The following KCNIP1 variants were observed in gnomAD, a reference collection of about 807,000 sequenced individuals.
The protein encoded by KCNIP1 is A-type potassium channel modulatory protein KCNIP1.
A neutral mutation model predicts 33.0 loss-of-function variants in KCNIP1; 18 were observed. That is an observed-to-expected ratio of 0.55 (90% confidence interval 0.38 to 0.81). KCNIP1 has a LOEUF of 0.81. Among genes scored for constraint, KCNIP1 ranks in the 30% least tolerant of loss-of-function variants. The pLI is 0.00. For synonymous variants in KCNIP1, 93 were observed against 98.3 expected, an observed-to-expected ratio of 0.95 and a Z score of 0.32; for missense variants, 238 against 271.6, an observed-to-expected ratio of 0.88 and a Z score of 0.87.
At chr5:170,435,011 G>T (rs1755828720) in intron 1 of KCNIP1, among the ~76,000 whole-genome samples, 1 of 152,218 alleles carries the variant, frequency 6.6e-6, no homozygotes, top group Admixed American at 6.5e-5. Flanking sequence ...TCAGTCAGCT[G>T]CCAGCCCACG....
At chr5:170,529,409 C>T (rs1434076163) in intron 1 of KCNIP1, among the ~76,000 whole-genome samples, 1 of 152,162 alleles carries the variant, frequency 6.6e-6, no homozygotes, top group African/African-American at 2.4e-5. Context: ...GTTCTGGGGA[C>T]GGAGGAGTGT....
At chr5:170,435,841 A>G (rs1187035675) in intron 1 of KCNIP1, among the ~76,000 whole-genome samples, 1 of 151,824 alleles carries the variant, frequency 6.6e-6, no homozygotes, top group Non-Finnish European at 1.5e-5. Flanking sequence ...GGTACCTGGA[A>G]TTTCTCTCCC....
rs138606323 is a variant in KCNIP1, at chr5:170,593,183, G to A, written c.61+88550G>A. 1.3e-3 allele frequency among the ~76,000 whole-genome samples: 197 copies of A among 152,286 alleles called. 1 individual carries two copies. The highest frequency in any genetic ancestry group is 0.01 in the Admixed American group (156 of 15,290). ...ATACTACATTTAAAAGAGCGTGTAC[G>A]CGAGAATAATGTGGTCAGGTGGCCT... On this transcript the variant is annotated intron_variant, in intron 1 of 7. Transcript: ENST00000328939.
chr5:170,437,999 T>C (rs750163529), intron 1 of KCNIP1, among the ~76,000 whole-genome samples: 3 of 152,092 alleles, frequency 2.0e-5, no homozygotes, highest in Non-Finnish European at 2.9e-5. Flanking sequence ...CAGAGCCCCC[T>C]GTTTGCTCCC....
intron 1 of KCNIP1, among the ~76,000 whole-genome samples, chr5:170,593,332 G>A (rs556334624): frequency 6.6e-6 from 1 of 152,234 alleles, no homozygotes; most frequent in Non-Finnish European, 1.5e-5. Flanking sequence ...ATCCCTCTCA[G>A]GGGGTCACCT....
intron 1 of KCNIP1, among the ~76,000 whole-genome samples, chr5:170,451,178 T>A (rs1756240295): frequency 6.6e-6 from 1 of 152,206 alleles, no homozygotes; most frequent in African/African-American, 2.4e-5. Context: ...TTCGTAGTCA[T>A]GTCTAAACGC....
chr5:170,419,579 C>T (rs1050817549), intron 1 of KCNIP1, among the ~76,000 whole-genome samples: 7 of 152,224 alleles, frequency 4.6e-5, no homozygotes. Flanking sequence ...GAGAAAGTCA[C>T]CATCTTCCAT....
chr5:170,469,913 TC>T lies in KCNIP1; in HGVS notation c.88+115950del, dbSNP rs1756686229. On this transcript the variant is annotated intron_variant, in intron 1 of 7. Transcript: ENST00000377360. ...CAATCCTCCATAAATAACAATTCTT[TC>T]AATAGAGCTTTTCTCTCTTTCTTAA... 2.0e-5 allele frequency among the ~76,000 whole-genome samples: 3 copies of T among 152,334 alleles called. No homozygotes were observed. In the South Asian group the frequency reaches 6.2e-4, roughly 32 times the overall value.
intron 1 of KCNIP1, among the ~76,000 whole-genome samples, chr5:170,608,591 G>T (rs1759023425): frequency 6.6e-6 from 1 of 152,044 alleles, no homozygotes; most frequent in Non-Finnish European, 1.5e-5. Flanking sequence ...GGCCAACATG[G>T]TAAAACCCCG....
chr5:170,460,694 T>C (rs925388463), intron 1 of KCNIP1, among the ~76,000 whole-genome samples: 2 of 152,118 alleles, frequency 1.3e-5, no homozygotes, highest in Non-Finnish European at 2.9e-5. Flanking sequence ...CATACCTCAG[T>C]GTAATAAAAG....
intron 1 of KCNIP1, among the ~76,000 whole-genome samples, chr5:170,525,723 C>A (rs957399606): frequency 6.6e-6 from 1 of 152,248 alleles, no homozygotes; most frequent in Non-Finnish European, 1.5e-5. Flanking sequence ...GTTCTGGAAT[C>A]TTCTCCTGGA....
chr5:170,448,998 C>T (rs1271622329), intron 1 of KCNIP1, among the ~76,000 whole-genome samples: 1 of 152,194 alleles, frequency 6.6e-6, no homozygotes, highest in Non-Finnish European at 1.5e-5. Flanking sequence ...ATGCTTAATT[C>T]AAGGAAGCGA....
chr5:170,693,570 T>C (rs980425886), intron 1 of KCNIP1, among the ~76,000 whole-genome samples: 1 of 152,154 alleles, frequency 6.6e-6, no homozygotes. Flanking sequence ...TCCCTGGGTA[T>C]AGGACCCAGC....
In KCNIP1 at chr5:170,385,443, A is replaced by G. The variant is rs752181295; in HGVS notation, c.88+31479A>G. 3.1e-6 allele frequency: 5 copies of G among 1,614,028 alleles called. No individual in the cohort carries two copies. In the South Asian group the frequency reaches 3.3e-5, roughly 11 times the overall value. Reference sequence around the variant, plus strand: ...CTTCTGGGCCATCACCAGCTTCTTCACCATATTCACTGGGGGCAGTGATCA... The same window carrying G: ...CTTCTGGGCCATCACCAGCTTCTTCGCCATATTCACTGGGGGCAGTGATCA... On this transcript the variant is annotated intron_variant, in intron 1 of 7. Transcript: ENST00000377360.
intron 1 of KCNIP1, among the ~76,000 whole-genome samples, chr5:170,464,253 C>G (rs1352632438): frequency 6.6e-6 from 1 of 152,106 alleles, no homozygotes; most frequent in African/African-American, 2.4e-5. Context: ...TTTATAGGTT[C>G]AAAGTGATTC....
intron 3 of KCNIP1, among the ~76,000 whole-genome samples, chr5:170,720,915 G>C (rs1205041199): frequency 6.6e-6 from 1 of 152,230 alleles, no homozygotes; most frequent in Non-Finnish European, 1.5e-5. Flanking sequence ...GAAACATAAA[G>C]TTGTGCTTAT....
chr5:170,678,721 G>A (rs1237026596), intron 1 of KCNIP1, among the ~76,000 whole-genome samples: 1 of 152,166 alleles, frequency 6.6e-6, no homozygotes, highest in Non-Finnish European at 1.5e-5. Flanking sequence ...CGGGAGCCCA[G>A]GAAAATGGCT....
At chr5:170,692,738 T>C (rs1023536073) in intron 1 of KCNIP1, among the ~76,000 whole-genome samples, 1 of 152,218 alleles carries the variant, frequency 6.6e-6, no homozygotes, top group African/African-American at 2.4e-5. Context: ...AACTCTTCTA[T>C]ATATCTTCTC....
At chr5:170,406,221 G>A (rs1204109458) in intron 1 of KCNIP1, among the ~76,000 whole-genome samples, 2 of 152,230 alleles carry the variant, frequency 1.3e-5, no homozygotes, top group Non-Finnish European at 2.9e-5. Context: ...TGGTGGGAGA[G>A]AGATTGGGGG....
Sources: allele counts gnomAD v4.1 joint callset (sites outside exome capture counted in the v4.1 genomes callset), GRCh38; gene constraint gnomAD v4.1.1; transcripts MANE v1.5; gene names NCBI Gene and HGNC (gene_info 2026-07-23, HGNC 2026-07-21).